ACSF2: variants seen among roughly 807,000 people sequenced by gnomAD.
The protein encoded by ACSF2 is medium-chain acyl-CoA ligase ACSF2, mitochondrial.
ACSF2 carries 52 observed loss-of-function variants against 79.3 expected under a neutral mutation model. That is an observed-to-expected ratio of 0.66 (90% CI 0.53 to 0.83). The LOEUF is 0.83. Ranked by LOEUF, ACSF2 falls within the 40% of genes least tolerant of loss-of-function variation. The probability of loss-of-function intolerance (pLI) is 0.00; values close to 1 mark genes in which losing one functional copy is unlikely to be tolerated. For missense variants in ACSF2, 661 were observed against 803.3 expected (o/e 0.82, Z 2.14); for synonymous variants, 283 against 312.6 (o/e 0.91, Z 1.00).
intron 1 of ACSF2, among the ~76,000 whole-genome samples, chr17:50,442,494 C>G (rs1421036282): frequency 6.6e-6 from 1 of 151,960 alleles, no homozygotes; most frequent in Admixed American, 6.6e-5. Flanking sequence ...GAGACAGGGT[C>G]TTTCTCGGTC....
At position 50,470,917 on chromosome 17, in the gene ACSF2, C is replaced by T. The variant is rs2033086257; in HGVS notation, c.1216-111C>T. The T allele has an allele frequency of 5.1e-6, 4 of 780,452 alleles. No homozygotes were observed. In the Admixed American group the frequency reaches 6.4e-5, roughly 12 times the overall value. 48.3% of individuals were successfully genotyped at this position (780,452 alleles called of 1,614,324 possible). A position where few individuals can be genotyped will look rare whatever the true frequency, so the allele number is the denominator to read the frequency against. ...TGTCTCTGTTTCCACCATTCGGCTG[C>T]CCTCCACTTTCCCTTTTCTTTTATG... is the stretch of plus-strand genomic sequence containing the variant. On this transcript the variant is annotated intron_variant, in intron 10 of 15. Coordinates refer to ENST00000300441, the MANE Select transcript of ACSF2 (RefSeq NM_025149.6).
At chr17:50,426,830 T>C in intron 1 of ACSF2, 5 of 1,438,406 alleles carry the variant, frequency 3.5e-6, no homozygotes, top group Non-Finnish European at 4.7e-6. Flanking sequence ...GTCTCCTGTC[T>C]CCTCATCAGC....
Position 50,463,976 on chromosome 17 carries a change from T to C in ACSF2, c.1138+67T>C. 1 of 1,511,924 alleles carries C rather than the reference T, an allele frequency of 6.6e-7. No individual in the cohort carries two copies. Among genetic ancestry groups the C allele is most frequent in the Non-Finnish European group, 9.1e-7 (1 of 1,097,594 alleles). The allele number at this position is 1,511,924 out of a possible 1,614,324, so 93.7% of individuals were successfully genotyped here. A position where few individuals can be genotyped will look rare whatever the true frequency, so the allele number is the denominator to read the frequency against. ...GCTTCCCCCACAGGAATGGCCCGGG[T>C]GAGTTAGCTATGCTCCCAGTCTTTT... On this transcript the variant is annotated intron_variant, in intron 9 of 15. Transcript: ENST00000300441. This position sits in a 1 kb window ranked among gnomAD's most constrained non-coding sequence, Gnocchi z 4.6.
intron 1 of ACSF2, among the ~76,000 whole-genome samples, chr17:50,439,283 C>T (rs1295905529): frequency 6.8e-6 from 1 of 147,642 alleles, no homozygotes; most frequent in East Asian, 2.0e-4. Flanking sequence ...CTATGTTGCC[C>T]AGGCTGGTCT....
chr17:50,449,139 C>G (rs751590076), intron 1 of ACSF2, among the ~76,000 whole-genome samples: 2 of 150,732 alleles, frequency 1.3e-5, no homozygotes, highest in Middle Eastern at 6.8e-3. Context: ...GCTTCAGCCT[C>G]CCGAGTAGCC....
chr17:50,431,213 T>C (rs1176735087), intron 1 of ACSF2, among the ~76,000 whole-genome samples: 1 of 152,238 alleles, frequency 6.6e-6, no homozygotes, highest in East Asian at 1.9e-4. Context: ...ACATCTGTTT[T>C]AGTTACCCTC....
chr17:50,446,499 C>A (rs1213441749), intron 1 of ACSF2, among the ~76,000 whole-genome samples: 1 of 152,024 alleles, frequency 6.6e-6, no homozygotes, highest in African/African-American at 2.4e-5. Context: ...CTCAACTGAC[C>A]CACCCACCTC....
intron 4 of ACSF2, 115 bp downstream of exon 4, chr17:50,461,801 G>A (rs573637303): frequency 4.4e-5 from 58 of 1,330,474 alleles, no homozygotes; most frequent in African/African-American, 3.5e-4. Flanking sequence ...CGGGTGATAC[G>A]CAGAGTGTCC....
intron 1 of ACSF2, among the ~76,000 whole-genome samples, chr17:50,437,941 T>C (rs1440760832): frequency 1.3e-5 from 2 of 152,202 alleles, no homozygotes; most frequent in Admixed American, 1.3e-4. Flanking sequence ...ACAGATCAAA[T>C]TGAAGTCCCT....
chr17:50,456,818 G>A (rs746721161), intron 1 of ACSF2, among the ~76,000 whole-genome samples: 2 of 152,180 alleles, frequency 1.3e-5, no homozygotes, highest in Non-Finnish European at 2.9e-5. Context: ...CCAGGACTTT[G>A]GGATGCCAAG....
intron 1 of ACSF2, among the ~76,000 whole-genome samples, chr17:50,452,966 T>A (rs1224620076): frequency 1.3e-5 from 2 of 152,188 alleles, no homozygotes; most frequent in Admixed American, 1.3e-4. Context: ...TTATATTATC[T>A]CTGATGATCA....
At position 50,473,781 on chromosome 17, in the gene ACSF2, C is replaced by T; in HGVS notation, c.1592C>T (p.Thr531Ile). 2 of 1,614,230 alleles carry T rather than the reference C, an allele frequency of 1.2e-6. No homozygotes were observed. Among genetic ancestry groups the T allele is most frequent in the Non-Finnish European group, 1.7e-6 (2 of 1,180,046 alleles). The change falls in exon 13 of 16, where the codon ACA becomes ATA. Residue 531 changes from threonine (T) to isoleucine (I), a missense_variant. By Grantham distance (89) the Thr-to-Ile change is moderately conservative. Coordinates refer to ENST00000300441, the MANE Select transcript of ACSF2 (RefSeq NM_025149.6). ...GCAGAGCTCGAGGACTTCTTTCACA[C>T]ACACCCGAAGGTGCAGGAAGTGCAG... The part of the protein sequence containing the change: ...YPAELEDFFH[T>I]HPKVQEVQVV...
At chr17:50,451,313 A>G (rs1338702941) in intron 1 of ACSF2, among the ~76,000 whole-genome samples, 1 of 152,206 alleles carries the variant, frequency 6.6e-6, no homozygotes, top group Non-Finnish European at 1.5e-5. Flanking sequence ...GCTGGGTTAT[A>G]TGCTAATTCT....
Position 50,463,411 on chromosome 17 carries a change from G to A in ACSF2, c.905G>A (p.Arg302Gln), listed in dbSNP as rs370595203. 5.3e-5 allele frequency: 85 copies of A among 1,613,866 alleles called. No individual in the cohort carries two copies. Among genetic ancestry groups the A allele is most frequent in the Non-Finnish European group, 6.8e-5 (80 of 1,179,984 alleles). The change falls in exon 8 of 16, where the codon CGG (arginine) becomes CAG (glutamine). Residue 302 changes from arginine (R) to glutamine (Q), a missense_variant. By Grantham distance (43) the Arg-to-Gln change is conservative. Transcript: ENST00000300441. This position sits in a 1 kb window ranked among gnomAD's most constrained non-coding sequence, Gnocchi z 4.6. ...KLHEKTPEQL[R>Q]MILPNPLYHC... Reference sequence around the variant, plus strand: ...CATCACCAGACACCAGAGCAGTTGCGGATGATCCTGCCCAACCCCCTGTAC... The same window carrying A: ...CATCACCAGACACCAGAGCAGTTGCAGATGATCCTGCCCAACCCCCTGTAC...
chr17:50,446,750 T>C (rs185908384), intron 1 of ACSF2, among the ~76,000 whole-genome samples: 188 of 152,342 alleles, frequency 1.2e-3, no homozygotes, highest in African/African-American at 4.1e-3. Context: ...TAAATGGAAT[T>C]AGACAGTATA....
At chr17:50,445,204 C>A (rs1014645134) in intron 1 of ACSF2, among the ~76,000 whole-genome samples, 1 of 152,176 alleles carries the variant, frequency 6.6e-6, no homozygotes, top group Non-Finnish European at 1.5e-5. Context: ...CATGAGCTAC[C>A]GTGCCTGACT....
In ACSF2 at chr17:50,444,575, T is replaced by C. The variant is rs1037936434; in HGVS notation, c.129-16102T>C. On this transcript the variant is annotated intron_variant, in intron 1 of 15. Transcript: ENST00000300441. ...GCCCAAAAAAAAAGAAAAAGAAATA[T>C]CAGCTGCTAAAGGATCAGAGACTAG... is the stretch of plus-strand genomic sequence containing the variant. 2.7e-5 allele frequency among the ~76,000 whole-genome samples: 4 copies of C among 150,936 alleles called. No homozygotes were observed. In the South Asian group the frequency reaches 8.4e-4, roughly 32 times the overall value.
chr17:50,433,613 C>T (rs1277468553), intron 1 of ACSF2, among the ~76,000 whole-genome samples: 1 of 152,136 alleles, frequency 6.6e-6, no homozygotes, highest in Non-Finnish European at 1.5e-5. Context: ...AGAAAACCTG[C>T]AGCATGGATG....
Position 50,462,589 on chromosome 17 carries a change from G to A in ACSF2, c.792+4G>A. 6.2e-7 allele frequency: 1 copy of A among 1,611,442 alleles called. No individual in the cohort carries two copies. Among genetic ancestry groups the A allele is most frequent in the Non-Finnish European group, 8.5e-7 (1 of 1,177,920 alleles). On this transcript the variant is annotated splice_donor_region_variant and intron_variant, in intron 6 of 15. Transcript: ENST00000300441. Reference sequence around the variant, plus strand: ...CATCAACATCCAGTTCACCTCGGTAGGGCAGAGGTCTCCAGGCCCCAAGCC... The same window carrying A: ...CATCAACATCCAGTTCACCTCGGTAAGGCAGAGGTCTCCAGGCCCCAAGCC...
Sources: allele counts gnomAD v4.1 joint callset (sites outside exome capture counted in the v4.1 genomes callset), GRCh38; gene constraint gnomAD v4.1.1; non-coding constraint Gnocchi (gnomAD v3.1); transcripts MANE v1.5; gene names NCBI Gene and HGNC (gene_info 2026-07-23, HGNC 2026-07-21).